The following HIVEP1 variants were observed in gnomAD, a reference collection of about 807,000 sequenced individuals.
The protein encoded by HIVEP1 is HIVEP zinc finger 1.
In HIVEP1, 36 loss-of-function variants were observed where a neutral mutation model predicts 180.0. The ratio of observed to expected loss-of-function variants is 0.20; its 90% confidence interval spans 0.15 to 0.26. The LOEUF is 0.26. Among genes scored for constraint, HIVEP1 ranks in the 10% least tolerant of loss-of-function variants. The probability of loss-of-function intolerance (pLI) is 1.00; values close to 1 mark genes in which losing one functional copy is unlikely to be tolerated. For synonymous variants in HIVEP1, 1,239 were observed against 1,239.0 expected, an observed-to-expected ratio of 1.00 and a Z score of 0.00; for missense variants, 3,143 against 3,268.7, an observed-to-expected ratio of 0.96 and a Z score of 0.94.
intron 3 of HIVEP1, among the ~76,000 whole-genome samples, chr6:12,111,927 T>C (rs72826086): frequency 0.065 from 9,916 of 152,308 alleles, 377 homozygotes; most frequent in Middle Eastern, 0.15. Context: ...TGCTGCCATA[T>C]TGGACAGTAC....
At chr6:12,162,005 G>C in intron 8 of HIVEP1, 76 bp downstream of exon 8, 2 of 1,323,170 alleles carry the variant, frequency 1.5e-6, no homozygotes, top group South Asian at 2.9e-5. Flanking sequence ...AATGGCTTAA[G>C]AAAATAATGC....
intron 2 of HIVEP1, among the ~76,000 whole-genome samples, chr6:12,078,719 C>CACACACACACATATATATATATATAT (rs758199591): frequency 1.4e-5 from 2 of 146,358 alleles, no homozygotes; most frequent in Non-Finnish European, 3.1e-5. Context: ...CACACACACA[C>CACACACACACATATATATATATATAT]ATATATATAT....
chr6:12,205,394 C>T, the HIVEP1 span, among the ~76,000 whole-genome samples: 5 of 151,980 alleles, frequency 3.3e-5, no homozygotes, highest in Non-Finnish European at 7.4e-5. Context: ...CGGCGTGAAC[C>T]CGGGAGGCAG....
chr6:12,076,712 G>A (rs962359495), intron 2 of HIVEP1, among the ~76,000 whole-genome samples: 1 of 152,100 alleles, frequency 6.6e-6, no homozygotes, highest in Non-Finnish European at 1.5e-5. Context: ...AGTAGACCCT[G>A]CCTCCCATTG....
At chr6:12,090,735 CTTTTTTTTTTTTTTTT>C (rs35266647) in intron 3 of HIVEP1, among the ~76,000 whole-genome samples, 2 of 82,472 alleles carry the variant, frequency 2.4e-5, no homozygotes, top group African/African-American at 9.4e-5. Context: ...TATAGCCAGC[CTTTTTTTTTTTTTTTT>C]TTTTTTTTAC....
chr6:12,123,814 A>G lies in HIVEP1; in HGVS notation c.4019A>G (p.Asn1340Ser), dbSNP rs761031772. Residue 1340 changes from asparagine to serine, a missense_variant, in exon 4 of 9, where the codon AAT becomes AGT. By Grantham distance (46) the Asn-to-Ser change is conservative. This residue lies in a region of HIVEP1 where 1,357 missense variants were observed against 1,260.5 expected (regional missense o/e 1.08). Transcript: ENST00000379388. ...TEASPKIDFL[N>S]KAEFLMIPAG... Reference sequence around the variant, plus strand: ...GCTTCCCCCAAAATCGATTTTCTAAATAAAGCCGAGTTTCTTATGATTCCA... The same window carrying G: ...GCTTCCCCCAAAATCGATTTTCTAAGTAAAGCCGAGTTTCTTATGATTCCA... 25 of 1,614,182 alleles carry G rather than the reference A, an allele frequency of 1.5e-5. No homozygotes were observed. Among genetic ancestry groups the G allele is most frequent in the Non-Finnish European group, 2.0e-5 (24 of 1,180,028 alleles).
chr6:12,062,960 C>T (rs964665821), intron 2 of HIVEP1, among the ~76,000 whole-genome samples: 1 of 152,188 alleles, frequency 6.6e-6, no homozygotes, highest in Non-Finnish European at 1.5e-5. Flanking sequence ...TTAGTTTTCT[C>T]ACAGGTACTT....
At position 12,120,400 on chromosome 6, in the gene HIVEP1, C is replaced by T. The variant is rs1226328615; in HGVS notation, c.605C>T (p.Ala202Val). The change falls in exon 4 of 9, where the codon GCA (alanine) becomes GTA (valine). Residue 202 changes from alanine to valine, a missense_variant. This residue lies in a region of HIVEP1 where 306 missense variants were observed against 310.6 expected (regional missense o/e 0.99). Transcript: ENST00000379388. ...ACTGCATTCGATGTCTTACTGAAAG[C>T]AATGGAGCCAGAACTGAGCACCTTG... is the stretch of plus-strand genomic sequence containing the variant. ...TNTAFDVLLK[A>V]MEPELSTLSQ... The T allele has an allele frequency of 2.5e-6, 4 of 1,614,198 alleles. No individual in the cohort carries two copies. The highest frequency in any genetic ancestry group is 1.7e-5 in the Admixed American group (1 of 60,026).
intron 2 of HIVEP1, among the ~76,000 whole-genome samples, chr6:12,082,254 C>T (rs1772836352): frequency 1.3e-5 from 2 of 152,082 alleles, no homozygotes. Context: ...TAGAAACCTA[C>T]AGTATCATGG....
rs541436323 is a variant in HIVEP1 at position 12,063,461 on chromosome 6, G to T, written c.41-25723G>T. Among the ~76,000 whole-genome samples, 51 of 152,258 alleles carry T rather than the reference G, an allele frequency of 3.3e-4. No individual in the cohort carries two copies. In the East Asian group the frequency reaches 9.7e-3, roughly 29 times the overall value. ...ATGGCATTAAACAAGATTGGGATGA[G>T]GACATTGGTGGAAAGTGGGGAGGGA... is the stretch of plus-strand genomic sequence containing the variant. On this transcript the variant is annotated intron_variant, in intron 2 of 8. Transcript: ENST00000379388. This position sits in a 1 kb window ranked among gnomAD's most constrained non-coding sequence, Gnocchi z 4.2.
At chr6:12,017,697 G>C (rs1767903479) in intron 2 of HIVEP1, among the ~76,000 whole-genome samples, 2 of 152,214 alleles carry the variant, frequency 1.3e-5, no homozygotes, top group African/African-American at 4.8e-5. Context: ...CCCTGAGCTA[G>C]ACACAAAAGT....
At chr6:12,205,132 A>G in the HIVEP1 span, among the ~76,000 whole-genome samples, 558 of 152,308 alleles carry the variant, frequency 3.7e-3, 2 homozygotes, top group African/African-American at 0.013. Context: ...AGCCACTCTA[A>G]GGACCTGGCT....
chr6:12,104,922 T>G (rs1047468650), intron 3 of HIVEP1, among the ~76,000 whole-genome samples: 1 of 152,250 alleles, frequency 6.6e-6, no homozygotes. Context: ...CTTTGTGTAT[T>G]CATTCCAATA....
chr6:12,123,856 T>C lies in HIVEP1; in HGVS notation c.4061T>C (p.Leu1354Pro). The C allele has an allele frequency of 6.2e-7, 1 of 1,614,142 alleles. No individual in the cohort carries two copies. The highest frequency in any genetic ancestry group is 8.5e-7 in the Non-Finnish European group (1 of 1,179,968). ...ATGATTCCAGCTGGCTTGAATACTC[T>C]GAATGTTCCTGGATGTCACCGGGAA... Reference protein sequence around the residue: ...FLMIPAGLNTLNVPGCHREMR... With the variant: ...FLMIPAGLNTPNVPGCHREMR... The change falls in exon 4 of 9, where the codon CTG (leucine) becomes CCG (proline). Residue 1354 changes from leucine to proline, a missense_variant. This residue lies in a region of HIVEP1 where 1,357 missense variants were observed against 1,260.5 expected (regional missense o/e 1.08). Coordinates refer to ENST00000379388, the MANE Select transcript of HIVEP1 (RefSeq NM_002114.4).
chr6:12,066,749 C>G (rs1166707872), intron 2 of HIVEP1, among the ~76,000 whole-genome samples: 1 of 151,906 alleles, frequency 6.6e-6, no homozygotes, highest in East Asian at 1.9e-4. Context: ...GTATGATGGG[C>G]CCAATATTAT....
intron 7 of HIVEP1, among the ~76,000 whole-genome samples, chr6:12,146,793 C>T (rs1759399532): frequency 6.6e-6 from 1 of 150,910 alleles, no homozygotes. Context: ...TTTTATGTAT[C>T]ACTTCGGCAC....
chr6:12,131,029 T>C (rs1232400017), intron 6 of HIVEP1, 87 bp downstream of exon 6: 8 of 874,562 alleles, frequency 9.1e-6, no homozygotes, highest in African/African-American at 3.3e-5. Context: ...CTTTGACCGA[T>C]GAAATAGCAG....
chr6:12,123,923 G>A lies in HIVEP1; in HGVS notation c.4128G>A (p.Thr1376=), dbSNP rs187412606. 1,755 of 1,614,022 alleles carry A rather than the reference G, an allele frequency of 1.1e-3. 18 individuals are homozygous for A. Among genetic ancestry groups the A allele is most frequent in the Non-Finnish European group, 1.2e-3 (1,459 of 1,179,994 alleles). ...CAGAACAGATTAATTGCACGCAAAC[G>A]TCAATGGAGGTCTCTGATCTCAGAA... ...TASEQINCTQ[T]SMEVSDLRSK... The change falls in exon 4 of 9, where the codon ACG becomes ACA. Residue 1376 remains threonine, a synonymous_variant. Coordinates refer to ENST00000379388, the MANE Select transcript of HIVEP1 (RefSeq NM_002114.4).
intron 2 of HIVEP1, among the ~76,000 whole-genome samples, chr6:12,059,360 A>G (rs920396114): frequency 6.6e-6 from 1 of 151,904 alleles, no homozygotes; most frequent in African/African-American, 2.4e-5. Context: ...TTCTTATCCT[A>G]CATTTTTTGG....
Sources: allele counts gnomAD v4.1 joint callset (sites outside exome capture counted in the v4.1 genomes callset), GRCh38; gene constraint gnomAD v4.1.1; regional missense constraint gnomAD v4.1.1; non-coding constraint Gnocchi (gnomAD v3.1); transcripts MANE v1.5; gene names NCBI Gene and HGNC (gene_info 2026-07-23, HGNC 2026-07-21).